The following GPR89A variants were observed in gnomAD, a reference collection of about 807,000 sequenced individuals.
The protein encoded by GPR89A is golgi pH regulator A, also known as G protein-coupled receptor 89A.
Under a neutral mutation model 52.0 loss-of-function variants are expected in GPR89A, and 16 were observed. That is an observed-to-expected ratio of 0.31 (90% confidence interval 0.21 to 0.47). The LOEUF (loss-of-function observed/expected upper bound fraction) is 0.47. Ranked by LOEUF, GPR89A falls within the 20% of genes least tolerant of loss-of-function variation. The pLI is 1.00. For synonymous variants in GPR89A, 55 were observed against 150.9 expected, an observed-to-expected ratio of 0.36 and a Z score of 4.66; for missense variants, 135 against 449.4, an observed-to-expected ratio of 0.30 and a Z score of 6.33.
chr1:145,650,669 A>C (rs1290150201), intron 10 of GPR89A, among the ~76,000 whole-genome samples: 1 of 151,208 alleles, frequency 6.6e-6, no homozygotes, highest in Non-Finnish European at 1.5e-5. Context: ...CTTTTTAATA[A>C]TTGCCATTCT....
At chr1:145,625,791 C>T (rs1649453873) in intron 5 of GPR89A, among the ~76,000 whole-genome samples, 1 of 149,238 alleles carries the variant, frequency 6.7e-6, no homozygotes, top group East Asian at 2.0e-4. Context: ...TAATTGCTAC[C>T]ATCTCAAGGT....
At chr1:145,652,962 G>A (rs1217025864) in intron 10 of GPR89A, among the ~76,000 whole-genome samples, 3 of 101,406 alleles carry the variant, frequency 3.0e-5, no homozygotes, top group Non-Finnish European at 5.4e-5. Flanking sequence ...AGGGTTTTTC[G>A]TGCTCTATCT....
chr1:145,654,743 G>T (rs1475644914), intron 10 of GPR89A, among the ~76,000 whole-genome samples: 2 of 151,672 alleles, frequency 1.3e-5, no homozygotes, highest in Non-Finnish European at 1.5e-5. Flanking sequence ...GTGTCTTGGG[G>T]TTGATCTTCT....
At chr1:145,629,546 GAC>G (rs1291576324) in intron 5 of GPR89A, among the ~76,000 whole-genome samples, 1 of 152,198 alleles carries the variant, frequency 6.6e-6, no homozygotes, top group Non-Finnish European at 1.5e-5. Flanking sequence ...TAGGACTGGA[GAC>G]CATACATTTG....
At chr1:145,616,708 T>C (rs587649910) in intron 2 of GPR89A, among the ~76,000 whole-genome samples, 1 of 152,216 alleles carries the variant, frequency 6.6e-6, no homozygotes, top group Non-Finnish European at 1.5e-5. Flanking sequence ...CATAGGTTCT[T>C]TCTGTTTTCC....
intron 5 of GPR89A, among the ~76,000 whole-genome samples, chr1:145,629,547 A>G (rs1462911114): frequency 1.3e-5 from 2 of 152,162 alleles, no homozygotes; most frequent in African/African-American, 4.8e-5. Context: ...AGGACTGGAG[A>G]CCATACATTT....
intron 1 of GPR89A, among the ~76,000 whole-genome samples, chr1:145,612,838 T>C (rs1648397602): frequency 1.3e-5 from 2 of 152,172 alleles, no homozygotes; most frequent in East Asian, 3.9e-4. Context: ...TCTAATGTTT[T>C]CTTTTTTTCT....
chr1:145,648,354 A>G (rs1174498550), intron 10 of GPR89A, among the ~76,000 whole-genome samples: 2 of 151,734 alleles, frequency 1.3e-5, no homozygotes, highest in Non-Finnish European at 2.9e-5. Flanking sequence ...CAATAAATTG[A>G]TGTCAATAAT....
intron 11 of GPR89A, among the ~76,000 whole-genome samples, chr1:145,665,138 G>A (rs587736437): frequency 1.2e-4 from 18 of 152,112 alleles, no homozygotes; most frequent in African/African-American, 4.1e-4. Context: ...CAGTAAAACT[G>A]TATCATTAGT....
chr1:145,645,262 G>T (rs9442073), intron 8 of GPR89A: 19 of 289,960 alleles, frequency 6.6e-5, no homozygotes, highest in Non-Finnish European at 1.2e-4. Flanking sequence ...CATGCCAGTA[G>T]TAGCCACTAT....
At chr1:145,626,263 C>T (rs1386722181) in intron 5 of GPR89A, among the ~76,000 whole-genome samples, 7 of 151,814 alleles carry the variant, frequency 4.6e-5, no homozygotes, top group South Asian at 4.2e-4. Flanking sequence ...TACAAAGACC[C>T]GACTCTGACA....
Position 145,670,414 on chromosome 1 carries a change from A to T in GPR89A, c.*374A>T, listed in dbSNP as rs1485523036. On this transcript the variant is annotated 3_prime_UTR_variant, in exon 14 of 14. Coordinates refer to ENST00000313835, the MANE Select transcript of GPR89A (RefSeq NM_001097612.2). ...TTCCGTTTTAAGGTTCACATGGAAA[A>T]GGTTATAGCTTTGCCTTGAGATTGA... The T allele has an allele frequency of 2.7e-6, 1 of 376,580 alleles. No individual in the cohort carries two copies. The highest frequency in any genetic ancestry group is 2.1e-5 in the African/African-American group (1 of 48,536). The allele number at this position is 376,580 out of a possible 1,614,324, so 23.3% of individuals were successfully genotyped here.
intron 12 of GPR89A, among the ~76,000 whole-genome samples, chr1:145,668,796 T>G (rs1652745837): frequency 6.6e-6 from 1 of 152,200 alleles, no homozygotes; most frequent in South Asian, 2.1e-4. Flanking sequence ...TTGAATTTTG[T>G]CAAAGGCCTT....
chr1:145,654,553 CAAAAA>C (rs1559045894), intron 10 of GPR89A, among the ~76,000 whole-genome samples: 2 of 126,932 alleles, frequency 1.6e-5, no homozygotes, highest in African/African-American at 6.0e-5. Context: ...AATCCATCTA[CAAAAA>C]AAAAAAAAAA....
At chr1:145,611,366 C>G (rs1321740577) in intron 1 of GPR89A, 3 of 150,752 alleles carry the variant, frequency 2.0e-5, no homozygotes, top group Non-Finnish European at 4.4e-5. Context: ...CAAGTAGTCT[C>G]CAGTTTCTGT....
chr1:145,644,457 AG>A (rs1553692224), intron 8 of GPR89A: 1 of 174,394 alleles, frequency 5.7e-6, no homozygotes, highest in Non-Finnish European at 1.2e-5. Flanking sequence ...TAAAGAATCA[AG>A]GGGAGGCTGG....
At chr1:145,650,685 G>T (rs1358222997) in intron 10 of GPR89A, among the ~76,000 whole-genome samples, 15 of 151,554 alleles carry the variant, frequency 9.9e-5, no homozygotes, top group African/African-American at 3.4e-4. Context: ...ATTCTGACTG[G>T]TGTGAGATGG....
At chr1:145,667,485 A>G (rs1252887633) in intron 12 of GPR89A, among the ~76,000 whole-genome samples, 84 of 152,030 alleles carry the variant, frequency 5.5e-4, no homozygotes, top group African/African-American at 2.0e-3. Flanking sequence ...TTTGTCAGAT[A>G]AGTAGATTGC....
chr1:145,652,381 T>G (rs1480407760), intron 10 of GPR89A, among the ~76,000 whole-genome samples: 1 of 151,828 alleles, frequency 6.6e-6, no homozygotes, highest in African/African-American at 2.4e-5. Flanking sequence ...TTTGATGTGC[T>G]GCTGGATTTG....
Sources: allele counts gnomAD v4.1 joint callset (sites outside exome capture counted in the v4.1 genomes callset), GRCh38; gene constraint gnomAD v4.1.1; transcripts MANE v1.5; gene names NCBI Gene and HGNC (gene_info 2026-07-23, HGNC 2026-07-21).